Variants in DEPTOR observed in about 807,000 individuals in gnomAD.
DEPTOR encodes DEP domain-containing mTOR-interacting protein.
A neutral mutation model predicts 41.6 loss-of-function variants in DEPTOR; 41 were observed. That is an observed-to-expected ratio of 0.98 (90% CI 0.77 to 1.28). The LOEUF (loss-of-function observed/expected upper bound fraction) is 1.28. DEPTOR is among the 50% of genes most tolerant of loss of function. The pLI, the probability that DEPTOR is intolerant of heterozygous loss-of-function variation, is 0.00. For synonymous variants in DEPTOR, 195 were observed against 192.3 expected (o/e 1.01, Z -0.12); for missense variants, 514 against 527.9 (o/e 0.97, Z 0.26).
At chr8:119,948,528 C>T (rs1352366766) in intron 3 of DEPTOR, among the ~76,000 whole-genome samples, 1 of 152,010 alleles carries the variant, frequency 6.6e-6, no homozygotes, top group Non-Finnish European at 1.5e-5. Context: ...TTTATGAAGA[C>T]ATAATTCACA....
intron 1 of DEPTOR, among the ~76,000 whole-genome samples, chr8:119,899,442 C>A (rs931695986): frequency 1.3e-5 from 2 of 152,146 alleles, no homozygotes; most frequent in Non-Finnish European, 2.9e-5. Context: ...AAAAGGCATG[C>A]ATACATTCAT....
chr8:120,024,232 G>T (rs1812765291), intron 8 of DEPTOR, among the ~76,000 whole-genome samples: 1 of 151,902 alleles, frequency 6.6e-6, no homozygotes, highest in Non-Finnish European at 1.5e-5. Context: ...GCAAGACTCT[G>T]TCTCAAAAAT....
chr8:120,031,107 A>ATCACCTGAGCCTCAGGAGTT (rs1229565450), intron 8 of DEPTOR, among the ~76,000 whole-genome samples: 2 of 152,150 alleles, frequency 1.3e-5, no homozygotes, highest in Non-Finnish European at 1.5e-5. Flanking sequence ...AGGTGGGAGG[A>ATCACCTGAGCCTCAGGAGTT]TCACCTGAGC....
At position 120,004,837 on chromosome 8, in the gene DEPTOR, T is replaced by A. The variant is rs575681321; in HGVS notation, c.925+1726T>A. ...AAGACCCAGTGAGTTCATCTGTGAT[T>A]TTTTTTTCTCAAGCAGATGATCAGG... On this transcript the variant is annotated intron_variant, in intron 6 of 8. Coordinates refer to ENST00000286234, the MANE Select transcript of DEPTOR (RefSeq NM_022783.4). 4.6e-5 allele frequency among the ~76,000 whole-genome samples: 7 copies of A among 152,088 alleles called. No homozygotes were observed. The East Asian group carries it at 1.4e-3, about 30-fold the overall frequency.
At chr8:119,874,715 C>G (rs1211395873) in intron 1 of DEPTOR, among the ~76,000 whole-genome samples, 1 of 152,100 alleles carries the variant, frequency 6.6e-6, no homozygotes, top group Non-Finnish European at 1.5e-5. Context: ...TTAAGACTTG[C>G]GGCGTCTCAC....
chr8:119,929,584 T>C (rs1828013611), intron 2 of DEPTOR, among the ~76,000 whole-genome samples: 1 of 152,062 alleles, frequency 6.6e-6, no homozygotes, highest in African/African-American at 2.4e-5. Context: ...ATGATGATGA[T>C]GATGACTATG....
At position 119,999,537 on chromosome 8, in the gene DEPTOR, T is replaced by C. The variant is rs1209202927; in HGVS notation, c.605-1988T>C. Reference sequence around the variant, plus strand: ...TACTTGGGAGGCTGAGGCAGGAGGATCACTTGAGCCCAGGAGTTCGAGGCT... The same window carrying C: ...TACTTGGGAGGCTGAGGCAGGAGGACCACTTGAGCCCAGGAGTTCGAGGCT... On this transcript the variant is annotated intron_variant, in intron 4 of 8. Transcript: ENST00000286234. 2.0e-5 allele frequency among the ~76,000 whole-genome samples: 3 copies of C among 151,760 alleles called. No individual in the cohort carries two copies. The East Asian group carries it at 5.9e-4, about 30-fold the overall frequency.
chr8:119,931,986 ATTATTAT>A (rs1187202177), intron 3 of DEPTOR, among the ~76,000 whole-genome samples: 2 of 133,464 alleles, frequency 1.5e-5, no homozygotes, highest in Non-Finnish European at 3.3e-5. Flanking sequence ...TATTATTATT[ATTATTAT>A]TTTATAAAGA....
intron 8 of DEPTOR, among the ~76,000 whole-genome samples, chr8:120,041,747 A>G (rs1041836738): frequency 2.0e-5 from 3 of 152,094 alleles, no homozygotes; most frequent in Admixed American, 2.0e-4. Context: ...CATGTTGGCC[A>G]GGCTGGTCTT....
chr8:120,028,290 G>A (rs531452878), intron 8 of DEPTOR, among the ~76,000 whole-genome samples: 2 of 151,590 alleles, frequency 1.3e-5, no homozygotes, highest in East Asian at 2.0e-4. Context: ...CAAGTAGCTG[G>A]GATTACAGAC....
At chr8:120,013,591 A>G (rs950632257) in intron 8 of DEPTOR, among the ~76,000 whole-genome samples, 14 of 152,162 alleles carry the variant, frequency 9.2e-5, no homozygotes, top group African/African-American at 3.4e-4. Context: ...GCACTGATTA[A>G]CCTGCTAGGT....
At chr8:119,931,905 G>A (rs1458431273) in intron 3 of DEPTOR, among the ~76,000 whole-genome samples, 1 of 151,282 alleles carries the variant, frequency 6.6e-6, no homozygotes, top group Non-Finnish European at 1.5e-5. Context: ...CATCTCCAAG[G>A]ATGAAGGCCA....
intron 8 of DEPTOR, among the ~76,000 whole-genome samples, chr8:120,027,488 T>C (rs1812816652): frequency 6.6e-6 from 1 of 151,514 alleles, no homozygotes; most frequent in African/African-American, 2.4e-5. Context: ...GTGGATCACC[T>C]GAGGTCAGGA....
chr8:119,944,636 T>C (rs931748277), intron 3 of DEPTOR, among the ~76,000 whole-genome samples: 11 of 150,740 alleles, frequency 7.3e-5, no homozygotes, highest in African/African-American at 2.7e-4. Context: ...GATAAATGAT[T>C]GCATGGTAAT....
chr8:119,928,376 A>G, intron 1 of DEPTOR, 24 bp from the exon 2 acceptor site: 1 of 1,603,824 alleles, frequency 6.2e-7, no homozygotes, highest in Non-Finnish European at 8.5e-7. Flanking sequence ...GAATTTCCAA[A>G]GTAATTGCTA....
chr8:119,982,263 C>T (rs1191640284), intron 4 of DEPTOR, among the ~76,000 whole-genome samples: 2 of 152,082 alleles, frequency 1.3e-5, no homozygotes, highest in Non-Finnish European at 2.9e-5. Flanking sequence ...ACTGAACATT[C>T]CCCTGTTCTG....
chr8:120,039,686 C>T (rs1396183107), intron 8 of DEPTOR, among the ~76,000 whole-genome samples: 2 of 152,094 alleles, frequency 1.3e-5, no homozygotes, highest in Non-Finnish European at 2.9e-5. Flanking sequence ...AAGCCTGAGT[C>T]CTTATTCTCA....
intron 1 of DEPTOR, among the ~76,000 whole-genome samples, chr8:119,896,354 A>C (rs1488438202): frequency 6.6e-6 from 1 of 152,144 alleles, no homozygotes; most frequent in African/African-American, 2.4e-5. Context: ...TTTCCCTCCA[A>C]AGGCCATGCT....
chr8:119,894,160 C>T (rs2129725243), intron 1 of DEPTOR, among the ~76,000 whole-genome samples: 1 of 152,132 alleles, frequency 6.6e-6, no homozygotes, highest in East Asian at 1.9e-4. Flanking sequence ...CATTGACTTC[C>T]TGGGCTCAAG....
Sources: gnomAD v4.1 joint callset for allele counts (sites outside exome capture counted in the v4.1 genomes callset) on GRCh38, gnomAD v4.1.1 for gene constraint, MANE v1.5 for transcripts, NCBI Gene and HGNC (gene_info 2026-07-23, HGNC 2026-07-21) for gene names.